SV2C: variants seen among roughly 807,000 people sequenced by gnomAD.
SV2C encodes solute carrier family 22 member B3.
Under a neutral mutation model 79.7 loss-of-function variants are expected in SV2C, and 49 were observed. The ratio of observed to expected loss-of-function variants is 0.61; its 90% CI spans 0.49 to 0.78. The LOEUF is 0.78. SV2C is among the 30% of genes least tolerant of loss of function. The pLI is 0.00. For synonymous variants in SV2C, 334 were observed against 333.2 expected (o/e 1.00, Z -0.03); for missense variants, 833 against 912.9 (o/e 0.91, Z 1.13).
At chr5:75,961,999 G>A in the SV2C span, among the ~76,000 whole-genome samples, 8 of 152,018 alleles carry the variant, frequency 5.3e-5, no homozygotes, top group South Asian at 8.3e-4. Context: ...GATCCTCCCT[G>A]TGCTCTGAAC....
intron 1 of SV2C, among the ~76,000 whole-genome samples, chr5:76,124,074 G>T (rs73130269): frequency 0.039 from 5,868 of 152,190 alleles, 376 homozygotes; most frequent in African/African-American, 0.13. Flanking sequence ...GATTTTTAAA[G>T]TATTACTTTC....
chr5:76,338,632 T>G (rs1749373055), downstream of SV2C, among the ~76,000 whole-genome samples: 1 of 150,392 alleles, frequency 6.6e-6, no homozygotes, highest in Admixed American at 6.7e-5. Flanking sequence ...AAGACAACCA[T>G]AGTATTTTCT....
At chr5:75,973,989 A>G in the SV2C span, among the ~76,000 whole-genome samples, 1 of 152,076 alleles carries the variant, frequency 6.6e-6, no homozygotes, top group South Asian at 2.1e-4. Context: ...ATTGAGAACC[A>G]TGGTCAAAAA....
the SV2C span, among the ~76,000 whole-genome samples, chr5:75,855,146 A>G: frequency 3.3e-5 from 5 of 152,166 alleles, no homozygotes; most frequent in Admixed American, 1.3e-4. Context: ...CTCAATTTCT[A>G]GAAAAATTCC....
At chr5:75,985,064 C>G in the SV2C span, among the ~76,000 whole-genome samples, 3,232 of 151,872 alleles carry the variant, frequency 0.021, 98 homozygotes, top group African/African-American at 0.072. Context: ...CTGGAATGTT[C>G]AAGAGTACAC....
At chr5:76,131,547 T>G in intron 1 of SV2C, 103 bp from the exon 2 acceptor site, 4 of 364,734 alleles carry the variant, frequency 1.1e-5, no homozygotes, top group Non-Finnish European at 1.4e-5. Context: ...ACTAATTCTG[T>G]GTTGTAGTTT....
At chr5:76,177,365 G>A (rs1177008838) in intron 2 of SV2C, among the ~76,000 whole-genome samples, 3 of 151,444 alleles carry the variant, frequency 2.0e-5, no homozygotes, top group African/African-American at 4.8e-5. Flanking sequence ...ACCTAGAATC[G>A]CAGATAGTAC....
In SV2C at chr5:76,121,806, G is replaced by A. The variant is rs1052903942; in HGVS notation, c.-101-9844G>A. ...ATAGTTTGAAGTCAGGTAGCGTGAT[G>A]CCTCCAGCTTTGTTCTTTTGGCTTA... is the stretch of plus-strand genomic sequence containing the variant. On this transcript the variant is annotated intron_variant, in intron 1 of 12. Coordinates refer to ENST00000502798, the MANE Select transcript of SV2C (RefSeq NM_014979.4). Among the ~76,000 whole-genome samples, 4 of 151,856 alleles carry A rather than the reference G, an allele frequency of 2.6e-5. No homozygotes were observed. In the South Asian group the frequency reaches 6.2e-4, roughly 24 times the overall value.
chr5:75,968,140 A>G, the SV2C span, among the ~76,000 whole-genome samples: 1 of 152,240 alleles, frequency 6.6e-6, no homozygotes, highest in Non-Finnish European at 1.5e-5. Flanking sequence ...ACTAACAAAC[A>G]GGAAGGACAT....
At chr5:75,998,191 C>A in the SV2C span, among the ~76,000 whole-genome samples, 1 of 151,590 alleles carries the variant, frequency 6.6e-6, no homozygotes, top group Non-Finnish European at 1.5e-5. Context: ...GGGCCTGATA[C>A]GGGGTGGGAG....
chr5:75,906,497 G>A, the SV2C span, among the ~76,000 whole-genome samples: 3 of 151,766 alleles, frequency 2.0e-5, no homozygotes, highest in Non-Finnish European at 2.9e-5. Flanking sequence ...GTTAGAATAG[G>A]CAAATGGGTT....
intron 1 of SV2C, among the ~76,000 whole-genome samples, chr5:76,113,550 C>G (rs1004420567): frequency 1.3e-5 from 2 of 152,196 alleles, no homozygotes; most frequent in Admixed American, 1.3e-4. Context: ...TCCCTTGTGA[C>G]TGTTGCTTTG....
At chr5:76,024,159 C>T in the SV2C span, among the ~76,000 whole-genome samples, 1 of 147,272 alleles carries the variant, frequency 6.8e-6, no homozygotes, top group Non-Finnish European at 1.5e-5. Context: ...CATGTTGCTT[C>T]TGTTTCTATA....
intron 3 of SV2C, among the ~76,000 whole-genome samples, chr5:76,206,324 G>A (rs1744606551): frequency 6.6e-6 from 1 of 152,192 alleles, no homozygotes; most frequent in South Asian, 2.1e-4. Context: ...GCTCACAGGT[G>A]TTATAGAAGC....
intron 1 of SV2C, among the ~76,000 whole-genome samples, chr5:76,127,716 T>G (rs1748755994): frequency 6.6e-6 from 1 of 152,158 alleles, no homozygotes; most frequent in African/African-American, 2.4e-5. Context: ...CTGCCTTGCC[T>G]TTTGGTGCGG....
chr5:76,034,191 C>A, the SV2C span, among the ~76,000 whole-genome samples: 2 of 151,574 alleles, frequency 1.3e-5, no homozygotes, highest in Non-Finnish European at 1.5e-5. Context: ...ATGTCATCTG[C>A]AAACAGGGAC....
intron 4 of SV2C, among the ~76,000 whole-genome samples, chr5:76,240,178 T>C (rs1745740362): frequency 6.6e-6 from 1 of 152,180 alleles, no homozygotes; most frequent in African/African-American, 2.4e-5. Context: ...TTGTGGCACG[T>C]GTGAGGGAGA....
At chr5:76,178,104 G>A (rs1743598664) in intron 2 of SV2C, among the ~76,000 whole-genome samples, 1 of 152,186 alleles carries the variant, frequency 6.6e-6, no homozygotes, top group Non-Finnish European at 1.5e-5. Flanking sequence ...ATCAGTCTCA[G>A]GGTAGTCAGA....
At chr5:75,950,525 G>A in the SV2C span, among the ~76,000 whole-genome samples, 5 of 151,914 alleles carry the variant, frequency 3.3e-5, no homozygotes, top group Non-Finnish European at 7.4e-5. Flanking sequence ...TCCTTGAGAT[G>A]GCTAAATACT....
Sources: gnomAD v4.1 joint callset for allele counts (sites outside exome capture counted in the v4.1 genomes callset) on GRCh38, gnomAD v4.1.1 for gene constraint, MANE v1.5 for transcripts, NCBI Gene and HGNC (gene_info 2026-07-23, HGNC 2026-07-21) for gene names.